ZDHHC20: variants seen among roughly 807,000 people sequenced by gnomAD.
ZDHHC20 encodes palmitoyltransferase ZDHHC20.
In ZDHHC20, 43 loss-of-function variants were observed where a neutral mutation model predicts 57.8. The ratio of observed to expected loss-of-function variants is 0.74; its 90% CI spans 0.58 to 0.96. ZDHHC20 has a LOEUF of 0.96. Ranked by LOEUF, ZDHHC20 falls within the 40% of genes least tolerant of loss-of-function variation. The pLI, the probability that ZDHHC20 is intolerant of heterozygous loss-of-function variation, is 0.00. For synonymous variants in ZDHHC20, 157 were observed against 153.0 expected (o/e 1.03, Z -0.19); for missense variants, 391 against 441.1 (o/e 0.89, Z 1.02).
chr13:21,413,649 T>C lies in ZDHHC20; in HGVS notation c.370+3A>G, dbSNP rs1328169319. 5.1e-6 allele frequency: 8 copies of C among 1,578,990 alleles called. No individual in the cohort carries two copies. Among genetic ancestry groups the C allele is most frequent in the Admixed American group, 1.9e-5 (1 of 52,744 alleles). On this transcript the variant is annotated splice_donor_region_variant and intron_variant, in intron 4 of 12. Coordinates refer to ENST00000400590, the MANE Select transcript of ZDHHC20 (RefSeq NM_001330059.2). ...GAAAAGGAAAACTTATTCTTTTTCT[T>C]ACTTTTTGAAGCTGATGTGGTATAG...
intron 1 of ZDHHC20, among the ~76,000 whole-genome samples, chr13:21,432,435 T>C (rs552313098): frequency 1.3e-3 from 203 of 152,184 alleles, no homozygotes; most frequent in African/African-American, 4.8e-3. Flanking sequence ...GTTCACACCA[T>C]TCTCCTGCCT....
At position 21,396,061 on chromosome 13, in the gene ZDHHC20, C is replaced by T. The variant is rs566104410; in HGVS notation, c.595-4207G>A. The stretch of plus-strand genomic sequence containing the variant: ...GGTACAAGACAACTAGAGATAGCCC[C>T]GATACCTGAGTCCTCTGCAATTCCT... On this transcript the variant is annotated intron_variant, in intron 7 of 12. Transcript: ENST00000400590. Among the ~76,000 whole-genome samples the T allele has an allele frequency of 1.2e-3, 180 of 152,226 alleles. 2 individuals carry two copies. Among genetic ancestry groups the T allele is most frequent in the African/African-American group, 4.2e-3 (174 of 41,530 alleles).
chr13:21,456,885 C>A (rs1405999811), intron 1 of ZDHHC20, among the ~76,000 whole-genome samples: 1 of 152,186 alleles, frequency 6.6e-6, no homozygotes, highest in Non-Finnish European at 1.5e-5. Flanking sequence ...ATGGACCAAA[C>A]AATTACAGTT....
chr13:21,392,477 T>G (rs1315135957), intron 7 of ZDHHC20, among the ~76,000 whole-genome samples: 1 of 152,260 alleles, frequency 6.6e-6, no homozygotes, highest in African/African-American at 2.4e-5. Flanking sequence ...GCTGCTTCAA[T>G]TCCTACTTTT....
intron 4 of ZDHHC20, among the ~76,000 whole-genome samples, chr13:21,405,175 G>A (rs1192858647): frequency 6.6e-6 from 1 of 151,708 alleles, no homozygotes; most frequent in Non-Finnish European, 1.5e-5. Context: ...CTTCTATAAT[G>A]TAAATAAGAA....
At chr13:21,427,463 T>C (rs905984463) in intron 1 of ZDHHC20, among the ~76,000 whole-genome samples, 1 of 152,160 alleles carries the variant, frequency 6.6e-6, no homozygotes. Flanking sequence ...AAATAACATC[T>C]AGCTAATAGT....
chr13:21,411,926 C>T (rs1221912832), intron 4 of ZDHHC20, among the ~76,000 whole-genome samples: 5 of 152,174 alleles, frequency 3.3e-5, no homozygotes, highest in Admixed American at 3.3e-4. Context: ...ATTGTAGGAG[C>T]TTGAAGCTTT....
intron 1 of ZDHHC20, among the ~76,000 whole-genome samples, chr13:21,441,565 T>G (rs902835910): frequency 3.6e-5 from 5 of 137,406 alleles, no homozygotes; most frequent in Non-Finnish European, 6.3e-5. Context: ...TTTTTTTTTT[T>G]TTTTTTTTTT....
intron 11 of ZDHHC20, among the ~76,000 whole-genome samples, chr13:21,379,017 C>T (rs1018146835): frequency 6.6e-6 from 1 of 152,074 alleles, no homozygotes; most frequent in African/African-American, 2.4e-5. Context: ...GAACTTTTCC[C>T]TAGATTGTTA....
At chr13:21,385,560 C>G (rs1007232153) in intron 9 of ZDHHC20, among the ~76,000 whole-genome samples, 1 of 151,992 alleles carries the variant, frequency 6.6e-6, no homozygotes, top group Non-Finnish European at 1.5e-5. Context: ...CAAAATGAAG[C>G]AGAGAAAAGA....
intron 4 of ZDHHC20, among the ~76,000 whole-genome samples, chr13:21,413,179 A>C (rs938968115): frequency 6.6e-6 from 1 of 152,094 alleles, no homozygotes; most frequent in Non-Finnish European, 1.5e-5. Flanking sequence ...AGGGCTTTGG[A>C]ACTAGACAAA....
At chr13:21,415,341 C>T (rs1879817744) in intron 3 of ZDHHC20, among the ~76,000 whole-genome samples, 1 of 152,112 alleles carries the variant, frequency 6.6e-6, no homozygotes, top group Non-Finnish European at 1.5e-5. Flanking sequence ...TCTAACCTGA[C>T]TAAAACACCA....
chr13:21,438,468 G>C, intron 1 of ZDHHC20, among the ~76,000 whole-genome samples: 1 of 152,226 alleles, frequency 6.6e-6, no homozygotes, highest in East Asian at 1.9e-4. Context: ...AACAGCAAGA[G>C]AAGTAGAATA....
chr13:21,378,762 A>C, intron 11 of ZDHHC20, 24 bp from the exon 12 acceptor site: 1 of 1,164,188 alleles, frequency 8.6e-7, no homozygotes, highest in Non-Finnish European at 1.1e-6. Context: ...ATTATATATG[A>C]CATGACAAAA....
intron 11 of ZDHHC20, 149 bp downstream of exon 11, chr13:21,381,285 C>T (rs924813518): frequency 3.0e-6 from 2 of 671,936 alleles, no homozygotes; most frequent in Non-Finnish European, 2.5e-6. Context: ...GGATTACAGG[C>T]GTGAGCCACC....
chr13:21,458,796 C>A (rs1475556434), intron 1 of ZDHHC20, among the ~76,000 whole-genome samples: 1 of 152,218 alleles, frequency 6.6e-6, no homozygotes, highest in East Asian at 1.9e-4. Flanking sequence ...CCAGGAAGCT[C>A]TTGGGGCCTC....
intron 10 of ZDHHC20, among the ~76,000 whole-genome samples, 185 bp downstream of exon 10, chr13:21,382,735 A>C (rs546773271): frequency 1.3e-5 from 2 of 152,340 alleles, no homozygotes; most frequent in African/African-American, 4.8e-5. Flanking sequence ...TTAGATAATA[A>C]AAAATTATGG....
chr13:21,373,829 T>C lies in ZDHHC20; in HGVS notation c.*2867A>G, dbSNP rs1345406247. The C allele has an allele frequency of 6.6e-6, 1 of 152,256 alleles. No individual in the cohort carries two copies. Among genetic ancestry groups the C allele is most frequent in the Non-Finnish European group, 1.5e-5 (1 of 68,040 alleles). 9.4% of individuals were successfully genotyped at this position (152,256 alleles called of 1,614,324 possible). On this transcript the variant is annotated 3_prime_UTR_variant, in exon 13 of 13. Coordinates refer to ENST00000400590, the MANE Select transcript of ZDHHC20 (RefSeq NM_001330059.2). The stretch of plus-strand genomic sequence containing the variant: ...CTTTCCCTGATTCCCACACCACTTG[T>C]AGGCCTTTGCTAGAATGGTCATTAA...
chr13:21,449,288 G>GCC (rs1215514400), intron 1 of ZDHHC20, among the ~76,000 whole-genome samples: 5 of 152,114 alleles, frequency 3.3e-5, no homozygotes, highest in Non-Finnish European at 5.9e-5. Flanking sequence ...AATTGTGTGG[G>GCC]CCAGCAGTTT....
Sources: allele counts gnomAD v4.1 joint callset (sites outside exome capture counted in the v4.1 genomes callset), GRCh38; gene constraint gnomAD v4.1.1; transcripts MANE v1.5; gene names NCBI Gene and HGNC (gene_info 2026-07-23, HGNC 2026-07-21).